Variants in GRID2 observed in about 807,000 individuals in gnomAD.
The protein encoded by GRID2 is glutamate ionotropic receptor delta type subunit 2.
GRID2 carries 33 observed loss-of-function variants against 114.8 expected under a neutral mutation model. The ratio of observed to expected loss-of-function variants is 0.29; its 90% confidence interval spans 0.22 to 0.38. The LOEUF (loss-of-function observed/expected upper bound fraction) is 0.38. Among genes scored for constraint, GRID2 ranks in the 10% least tolerant of loss-of-function variants. GRID2 has a pLI of 1.00. For missense variants in GRID2, 1,184 were observed against 1,257.7 expected, an observed-to-expected ratio of 0.94 and a Z score of 0.89; for synonymous variants, 505 against 449.9, an observed-to-expected ratio of 1.12 and a Z score of -1.55.
At chr4:92,581,182 G>C (rs1354473653) in intron 1 of GRID2, among the ~76,000 whole-genome samples, 3 of 149,204 alleles carry the variant, frequency 2.0e-5, no homozygotes, top group Admixed American at 2.0e-4. Context: ...AGCTTTCACT[G>C]TCCAGTCCCC....
intron 12 of GRID2, among the ~76,000 whole-genome samples, chr4:93,505,133 AG>A (rs1728506300): frequency 6.6e-6 from 1 of 152,090 alleles, no homozygotes; most frequent in Admixed American, 6.6e-5. Flanking sequence ...ATGTGCCTTA[AG>A]GTACCTAATC....
At chr4:93,205,219 T>A (rs1742571578) in intron 4 of GRID2, among the ~76,000 whole-genome samples, 1 of 152,210 alleles carries the variant, frequency 6.6e-6, no homozygotes, top group African/African-American at 2.4e-5. Flanking sequence ...AAGTGTTTTT[T>A]TTTTATTTTT....
chr4:93,576,654 A>G (rs1361423120), intron 13 of GRID2, among the ~76,000 whole-genome samples: 1 of 152,182 alleles, frequency 6.6e-6, no homozygotes, highest in Non-Finnish European at 1.5e-5. Context: ...GCCCATATGT[A>G]GTTCACAACA....
At chr4:92,661,616 A>C (rs1481945118) in intron 2 of GRID2, among the ~76,000 whole-genome samples, 1 of 150,948 alleles carries the variant, frequency 6.6e-6, no homozygotes, top group Admixed American at 6.6e-5. Context: ...TTGCTCCTTC[A>C]ATTTACAAAT....
At chr4:93,022,874 T>C (rs1258512593) in intron 2 of GRID2, among the ~76,000 whole-genome samples, 5 of 151,994 alleles carry the variant, frequency 3.3e-5, no homozygotes, top group Non-Finnish European at 5.9e-5. Context: ...TTCCCTCATG[T>C]TCATTTAAAA....
intron 13 of GRID2, among the ~76,000 whole-genome samples, chr4:93,578,694 C>T (rs1022204282): frequency 4.0e-5 from 6 of 149,398 alleles, no homozygotes; most frequent in South Asian, 2.1e-4. Context: ...CCCAGGTTCA[C>T]GCCATTCTCC....
At chr4:92,530,513 A>G (rs929560020) in intron 1 of GRID2, among the ~76,000 whole-genome samples, 1 of 150,652 alleles carries the variant, frequency 6.6e-6, no homozygotes, top group African/African-American at 2.4e-5. Flanking sequence ...GTACAGAAAA[A>G]AAAAAAAAAA....
At chr4:93,016,226 G>T (rs1335961357) in intron 2 of GRID2, among the ~76,000 whole-genome samples, 1 of 151,982 alleles carries the variant, frequency 6.6e-6, no homozygotes, top group African/African-American at 2.4e-5. Context: ...TCAAAAATTG[G>T]AATAGAAAAT....
At chr4:92,782,615 T>A (rs912082463) in intron 2 of GRID2, among the ~76,000 whole-genome samples, 1 of 152,148 alleles carries the variant, frequency 6.6e-6, no homozygotes, top group Non-Finnish European at 1.5e-5. Flanking sequence ...CTTTAATTAC[T>A]AGGCTTTCAA....
At chr4:93,681,913 A>C (rs1295597080) in intron 14 of GRID2, among the ~76,000 whole-genome samples, 2 of 151,492 alleles carry the variant, frequency 1.3e-5, no homozygotes, top group East Asian at 3.9e-4. Flanking sequence ...TGGCAACAAA[A>C]GCCAAAATTG....
chr4:93,758,247 A>C (rs1366646822), intron 14 of GRID2, among the ~76,000 whole-genome samples: 1 of 152,234 alleles, frequency 6.6e-6, no homozygotes, highest in Non-Finnish European at 1.5e-5. Flanking sequence ...ATCTATGAAA[A>C]TGTGGGTAAA....
At chr4:93,267,765 C>T (rs955682451) in intron 8 of GRID2, among the ~76,000 whole-genome samples, 2 of 152,210 alleles carry the variant, frequency 1.3e-5, no homozygotes, top group Admixed American at 6.5e-5. Flanking sequence ...GAGTTCCTCC[C>T]TAATTCAAGA....
intron 1 of GRID2, among the ~76,000 whole-genome samples, chr4:92,511,753 A>C (rs1724262212): frequency 6.6e-6 from 1 of 151,842 alleles, no homozygotes; most frequent in African/African-American, 2.4e-5. Context: ...TTGCTATAAA[A>C]ATTAAGTGGA....
chr4:93,657,749 A>T (rs1723147166), intron 14 of GRID2, among the ~76,000 whole-genome samples: 1 of 152,198 alleles, frequency 6.6e-6, no homozygotes, highest in Non-Finnish European at 1.5e-5. Flanking sequence ...TCTGTGGCTG[A>T]GTTCTTACTC....
At chr4:93,236,244 T>G (rs1294241300) in intron 7 of GRID2, among the ~76,000 whole-genome samples, 1 of 151,956 alleles carries the variant, frequency 6.6e-6, no homozygotes, top group Non-Finnish European at 1.5e-5. Context: ...AGTGAGCACA[T>G]ACCGGAATAG....
intron 11 of GRID2, among the ~76,000 whole-genome samples, chr4:93,463,914 G>A (rs1724011877): frequency 6.6e-6 from 1 of 152,028 alleles, no homozygotes; most frequent in African/African-American, 2.4e-5. Flanking sequence ...GCGTGAACCT[G>A]GGAGGTGGAG....
At chr4:93,211,157 T>C (rs1414356790) in intron 5 of GRID2, among the ~76,000 whole-genome samples, 4 of 152,026 alleles carry the variant, frequency 2.6e-5, no homozygotes, top group Non-Finnish European at 5.9e-5. Flanking sequence ...TCCACAAGTA[T>C]ACCTGAACTT....
intron 2 of GRID2, among the ~76,000 whole-genome samples, chr4:92,734,181 C>T (rs1363271634): frequency 1.3e-5 from 2 of 152,014 alleles, no homozygotes; most frequent in East Asian, 1.9e-4. Flanking sequence ...GTTAATTTTA[C>T]ACTTAAAAAT....
chr4:92,478,934 G>T (rs548489784), intron 1 of GRID2, among the ~76,000 whole-genome samples: 1 of 152,214 alleles, frequency 6.6e-6, no homozygotes, highest in South Asian at 2.1e-4. Context: ...AAGGCCCAGT[G>T]TGACATCTCC....
Sources: allele counts gnomAD v4.1 joint callset (sites outside exome capture counted in the v4.1 genomes callset), GRCh38; gene constraint gnomAD v4.1.1; transcripts MANE v1.5; gene names NCBI Gene and HGNC (gene_info 2026-07-23, HGNC 2026-07-21).